PAPPA2: variants seen among roughly 807,000 people sequenced by gnomAD.
PAPPA2 encodes the protein pappalysin 2, also known as pappalysin-2.
PAPPA2 carries 86 observed loss-of-function variants against 176.4 expected under a neutral mutation model. That is an observed-to-expected ratio of 0.49 (90% CI 0.41 to 0.58). The LOEUF is 0.58. Among genes scored for constraint, PAPPA2 ranks in the 20% least tolerant of loss-of-function variants. The probability of loss-of-function intolerance (pLI) is 0.00; values close to 1 mark genes in which losing one functional copy is unlikely to be tolerated. For missense variants in PAPPA2, 2,073 were observed against 2,256.9 expected (o/e 0.92, Z 1.65); for synonymous variants, 809 against 852.2 (o/e 0.95, Z 0.88).
At chr1:176,532,429 C>T (rs991813404) in intron 1 of PAPPA2, among the ~76,000 whole-genome samples, 1 of 152,170 alleles carries the variant, frequency 6.6e-6, no homozygotes, top group Non-Finnish European at 1.5e-5. Context: ...GGAGCTTTCC[C>T]ATCTGGGCCA....
chr1:176,617,068 T>C (rs1655304725), intron 3 of PAPPA2, among the ~76,000 whole-genome samples: 1 of 146,776 alleles, frequency 6.8e-6, no homozygotes, highest in Admixed American at 6.7e-5. Flanking sequence ...TGGATTTCAA[T>C]TCAACACTTT....
intron 2 of PAPPA2, among the ~76,000 whole-genome samples, chr1:176,576,852 G>C (rs1193271629): frequency 6.6e-6 from 1 of 152,170 alleles, no homozygotes; most frequent in Non-Finnish European, 1.5e-5. Context: ...TGCAATTTCA[G>C]CTTGACTTCT....
At chr1:176,540,145 A>G (rs560240581) in intron 1 of PAPPA2, among the ~76,000 whole-genome samples, 2 of 152,300 alleles carry the variant, frequency 1.3e-5, no homozygotes, top group African/African-American at 4.8e-5. Context: ...GATCTCTGGG[A>G]ATACACAAAT....
At chr1:176,821,931 C>G (rs1666681340) in intron 21 of PAPPA2, among the ~76,000 whole-genome samples, 1 of 152,234 alleles carries the variant, frequency 6.6e-6, no homozygotes, top group Non-Finnish European at 1.5e-5. Flanking sequence ...GACACTCCAA[C>G]AGTCTTATCC....
intron 12 of PAPPA2, among the ~76,000 whole-genome samples, chr1:176,727,613 T>C (rs1661941946): frequency 6.6e-6 from 1 of 152,052 alleles, no homozygotes; most frequent in Non-Finnish European, 1.5e-5. Context: ...ATAATCATAG[T>C]TGGGGATTTT....
intron 3 of PAPPA2, among the ~76,000 whole-genome samples, chr1:176,599,428 C>G (rs1288802019): frequency 6.6e-6 from 1 of 150,990 alleles, no homozygotes; most frequent in East Asian, 1.9e-4. Context: ...TTTGTTACCC[C>G]TGATACTCCT....
chr1:176,675,538 G>A (rs1659243235), intron 4 of PAPPA2, among the ~76,000 whole-genome samples: 1 of 152,128 alleles, frequency 6.6e-6, no homozygotes, highest in East Asian at 1.9e-4. Flanking sequence ...TTTATGAACA[G>A]AAGAAAGAAT....
chr1:176,757,847 T>C (rs1181717598), intron 14 of PAPPA2, among the ~76,000 whole-genome samples: 2 of 152,248 alleles, frequency 1.3e-5, no homozygotes, highest in African/African-American at 4.8e-5. Context: ...GTCTTACATT[T>C]AGGTCTTTAA....
intron 1 of PAPPA2, among the ~76,000 whole-genome samples, chr1:176,522,813 G>T (rs1649285090): frequency 6.6e-6 from 1 of 150,856 alleles, no homozygotes; most frequent in Non-Finnish European, 1.5e-5. Flanking sequence ...AGAGGGAAGA[G>T]TTTCTGCAAC....
At chr1:176,533,614 C>T (rs936897698) in intron 1 of PAPPA2, among the ~76,000 whole-genome samples, 4 of 152,214 alleles carry the variant, frequency 2.6e-5, no homozygotes, top group African/African-American at 9.7e-5. Flanking sequence ...CATGGTTATA[C>T]CTTCATAAAC....
intron 1 of PAPPA2, among the ~76,000 whole-genome samples, chr1:176,529,641 C>T (rs1430079515): frequency 6.6e-6 from 1 of 152,230 alleles, no homozygotes; most frequent in African/African-American, 2.4e-5. Flanking sequence ...GCCACACACA[C>T]ATCTCTTCCA....
intron 1 of PAPPA2, among the ~76,000 whole-genome samples, chr1:176,535,603 G>T (rs527265958): frequency 6.6e-6 from 1 of 152,184 alleles, no homozygotes; most frequent in African/African-American, 2.4e-5. Flanking sequence ...AGAGCACCAG[G>T]CCAGAGGAAG....
At chr1:176,775,877 TG>T (rs1664438024) in intron 17 of PAPPA2, among the ~76,000 whole-genome samples, 1 of 152,194 alleles carries the variant, frequency 6.6e-6, no homozygotes, top group South Asian at 2.1e-4. Flanking sequence ...GCAACACTTT[TG>T]CATGGTAGAT....
intron 3 of PAPPA2, among the ~76,000 whole-genome samples, chr1:176,664,744 C>T (rs189021493): frequency 1.8e-4 from 27 of 152,274 alleles, no homozygotes; most frequent in Middle Eastern, 3.4e-3. Flanking sequence ...GAGAAAATTC[C>T]ATTTTGCTTC....
In PAPPA2 at chr1:176,739,362, T is replaced by TA. The variant is rs530191749; in HGVS notation, c.3799-255dup. Among the ~76,000 whole-genome samples the TA allele has an allele frequency of 7.2e-3, 1,085 of 150,968 alleles. 11 individuals carry two copies. The highest frequency in any genetic ancestry group is 0.012 in the Admixed American group (184 of 15,132). On this transcript the variant is annotated intron_variant, in intron 12 of 22. Coordinates refer to ENST00000367662, the MANE Select transcript of PAPPA2 (RefSeq NM_020318.3). Reference sequence around the variant, plus strand: ...AAATTTAAAGAAAGACAGGGTCAAGTAAAAAAAAACAGTTCAGGTATCAGT... The same window carrying TA: ...AAATTTAAAGAAAGACAGGGTCAAGTAAAAAAAAAACAGTTCAGGTATCAGT...
chr1:176,702,683 C>G lies in PAPPA2; in HGVS notation c.3313C>G (p.Pro1105Ala), dbSNP rs1660705595. 4.3e-6 allele frequency: 7 copies of G among 1,612,044 alleles called. No homozygotes were observed. Among genetic ancestry groups the G allele is most frequent in the Non-Finnish European group, 5.9e-6 (7 of 1,179,000 alleles). ...AGGAGAACTGGGAGAAGCTTCGCCT[C>G]CTCTGAACCACATTCATGGAGCTCC... ...AGGELGEASP[P>A]LNHIHGAPYC... is the part of the protein sequence containing the mutation. Residue 1105 changes from proline (P) to alanine (A), a missense_variant, in exon 9 of 23, where the codon CCT becomes GCT. Transcript: ENST00000367662.
chr1:176,510,274 A>C lies in PAPPA2; in HGVS notation c.-916-45133A>C, dbSNP rs1348971834. ...GGGAACATGTTATGAACAGAGCAAC[A>C]AAGATAAGAATTATCATCGTTTTCT... On this transcript the variant is annotated intron_variant, in intron 1 of 22. Transcript: ENST00000367662. Among the ~76,000 whole-genome samples the C allele has an allele frequency of 3.9e-5, 6 of 152,208 alleles. No individual in the cohort carries two copies. The East Asian group carries it at 1.2e-3, about 29-fold the overall frequency.
chr1:176,614,536 A>T (rs920183852), intron 3 of PAPPA2, among the ~76,000 whole-genome samples: 1 of 152,218 alleles, frequency 6.6e-6, no homozygotes, highest in Non-Finnish European at 1.5e-5. Flanking sequence ...GCCTTCTCAG[A>T]TATCTAGAAA....
intron 3 of PAPPA2, among the ~76,000 whole-genome samples, chr1:176,632,514 G>A (rs368574662): frequency 6.6e-6 from 1 of 152,028 alleles, no homozygotes; most frequent in African/African-American, 2.4e-5. Flanking sequence ...GGGCGACAGA[G>A]AGAAACTCCG....
Sources: gnomAD v4.1 joint callset for allele counts (sites outside exome capture counted in the v4.1 genomes callset) on GRCh38, gnomAD v4.1.1 for gene constraint, MANE v1.5 for transcripts, NCBI Gene and HGNC (gene_info 2026-07-23, HGNC 2026-07-21) for gene names.